Variants in SEL1L2 observed in about 807,000 individuals in gnomAD.
SEL1L2 encodes the protein protein sel-1 homolog 2.
SEL1L2 carries 89 observed loss-of-function variants against 98.8 expected under a neutral mutation model. The observed-to-expected ratio is 0.90, with a 90% CI of 0.76 to 1.07. The LOEUF (loss-of-function observed/expected upper bound fraction) is 1.07, where lower values mean the gene tolerates loss of function less well. Among genes scored for constraint, SEL1L2 ranks in the 50% least tolerant of loss-of-function variants. The pLI is 0.00. For synonymous variants in SEL1L2, 262 were observed against 278.5 expected (o/e 0.94, Z 0.59); for missense variants, 788 against 812.0 (o/e 0.97, Z 0.36).
At chr20:13,930,138 G>C (rs933077416) in intron 3 of SEL1L2, among the ~76,000 whole-genome samples, 2 of 151,780 alleles carry the variant, frequency 1.3e-5, no homozygotes, top group African/African-American at 4.9e-5. Context: ...TGTGCCTTGG[G>C]ACTCTAACTC....
chr20:13,950,997 C>A (rs2050233565), intron 2 of SEL1L2, among the ~76,000 whole-genome samples: 1 of 152,026 alleles, frequency 6.6e-6, no homozygotes, highest in African/African-American at 2.4e-5. Flanking sequence ...TGATTAGAGG[C>A]CGGGCGCGGT....
chr20:13,931,628 A>G lies in SEL1L2; in HGVS notation c.258T>C (p.Asp86=). ...KIRIKGIQNK[D]ILKRNKNHLQ... The stretch of plus-strand genomic sequence containing the variant: ...AATGATTCTTATTTCTCTTCAAGAT[A>G]TCTTTATTTTGAATTCCTTTTATTC... The change falls in exon 3 of 20, where the codon GAT becomes GAC. Residue 86 remains aspartate (D), a synonymous_variant. Coordinates refer to ENST00000284951, the MANE Select transcript of SEL1L2 (RefSeq NM_025229.2). 3 of 1,429,232 alleles carry G rather than the reference A, an allele frequency of 2.1e-6. No homozygotes were observed. The highest frequency in any genetic ancestry group is 2.9e-6 in the Non-Finnish European group (3 of 1,047,544). The allele number at this position is 1,429,232 out of a possible 1,614,324, so 88.5% of individuals were successfully genotyped here.
chr20:13,937,395 G>T (rs926653398), intron 2 of SEL1L2, among the ~76,000 whole-genome samples: 2 of 152,202 alleles, frequency 1.3e-5, no homozygotes, highest in African/African-American at 4.8e-5. Flanking sequence ...GAGCCAGGAG[G>T]AATTCGTGCC....
chr20:13,887,694 T>C, intron 8 of SEL1L2, 75 bp downstream of exon 8: 1 of 921,094 alleles, frequency 1.1e-6, no homozygotes, highest in Admixed American at 1.9e-5. Flanking sequence ...TTTATATCAA[T>C]TGAACTGTTA....
At chr20:13,865,637 C>T in intron 15 of SEL1L2, 123 bp from the exon 16 acceptor site, 6 of 770,184 alleles carry the variant, frequency 7.8e-6, no homozygotes, top group Non-Finnish European at 1.0e-5. Flanking sequence ...AGGTCTAAAA[C>T]ATGGCTTTTG....
intron 9 of SEL1L2, 59 bp from the exon 10 acceptor site, chr20:13,885,462 CATTT>C (rs2147979062): frequency 9.0e-7 from 1 of 1,106,904 alleles, no homozygotes; most frequent in East Asian, 2.4e-5. Flanking sequence ...ATAAAGAAAA[CATTT>C]ATGTGGTGAT....
intron 4 of SEL1L2, among the ~76,000 whole-genome samples, chr20:13,917,066 C>T (rs7262474): frequency 0.012 from 1,765 of 152,148 alleles, 38 homozygotes; most frequent in African/African-American, 0.04. Context: ...TCCAGGGTTT[C>T]CCTGGACTTG....
At chr20:13,967,117 G>A (rs1434905793) in intron 1 of SEL1L2, among the ~76,000 whole-genome samples, 2 of 151,876 alleles carry the variant, frequency 1.3e-5, no homozygotes, top group Admixed American at 1.3e-4. Flanking sequence ...TCCTGACCTC[G>A]TGATCCACCC....
At chr20:13,974,472 TCTC>T (rs1457475448) in intron 1 of SEL1L2, among the ~76,000 whole-genome samples, 7 of 89,490 alleles carry the variant, frequency 7.8e-5, no homozygotes, top group African/African-American at 1.1e-4. Context: ...TCTCTCTCTC[TCTC>T]TTTTTTTTTT....
At chr20:13,918,325 C>CTT (rs1235074867) in intron 4 of SEL1L2, among the ~76,000 whole-genome samples, 1 of 152,160 alleles carries the variant, frequency 6.6e-6, no homozygotes, top group Non-Finnish European at 1.5e-5. Context: ...GATCCCAAGG[C>CTT]TTTAGCTAGA....
At position 13,956,117 on chromosome 20, in the gene SEL1L2, C is replaced by T. The variant is rs745724781; in HGVS notation, c.73G>A (p.Glu25Lys). The T allele has an allele frequency of 1.7e-5, 26 of 1,555,248 alleles. No homozygotes were observed. In the African/African-American group the frequency reaches 3.4e-4, roughly 21 times the overall value. ...CTTTCCTTTTGTCTTTTATTATGTT[C>T]CTCTGCTTTGATAGCTGCAATACAC... ...GVTIKTIKAEEHNKRQKERNV... is the reference protein window; with the variant it reads ...GVTIKTIKAEKHNKRQKERNV... Residue 25 changes from glutamate to lysine, a missense_variant, in exon 2 of 20, where the codon GAA becomes AAA. Glu to Lys is a moderately conservative substitution (Grantham distance 56, BLOSUM62 1). Transcript: ENST00000284951.
At chr20:13,864,626 G>A (rs73612319) in intron 17 of SEL1L2, among the ~76,000 whole-genome samples, 24,691 of 152,122 alleles carry the variant, frequency 0.16, 2,172 homozygotes, top group African/African-American at 0.23. Flanking sequence ...GAGGAAAAGC[G>A]AGAGGATCCT....
intron 2 of SEL1L2, among the ~76,000 whole-genome samples, chr20:13,955,787 AT>A (rs1444169112): frequency 6.6e-6 from 1 of 152,168 alleles, no homozygotes; most frequent in African/African-American, 2.4e-5. Flanking sequence ...TGCAAAAGTA[AT>A]TGCAGTTTTT....
intron 3 of SEL1L2, among the ~76,000 whole-genome samples, chr20:13,922,134 C>G (rs1316874128): frequency 1.3e-5 from 2 of 152,058 alleles, no homozygotes; most frequent in Non-Finnish European, 2.9e-5. Flanking sequence ...AGTCCTTGTA[C>G]CAAATATACA....
At chr20:13,951,801 T>C (rs1199988666) in intron 2 of SEL1L2, among the ~76,000 whole-genome samples, 1 of 151,328 alleles carries the variant, frequency 6.6e-6, no homozygotes, top group Non-Finnish European at 1.5e-5. Context: ...ATTAGTTGTT[T>C]TTTTTGTTTA....
At chr20:13,888,870 T>A (rs1171909999) in intron 5 of SEL1L2, among the ~76,000 whole-genome samples, 1 of 149,892 alleles carries the variant, frequency 6.7e-6, no homozygotes, top group Non-Finnish European at 1.5e-5. Flanking sequence ...ATGGTCTTGA[T>A]CTCCTGACCT....
chr20:13,959,915 T>C (rs939634877), intron 1 of SEL1L2, among the ~76,000 whole-genome samples: 9 of 152,236 alleles, frequency 5.9e-5, no homozygotes, highest in African/African-American at 2.2e-4. Flanking sequence ...CTATGGCAAG[T>C]AAAGCATAAT....
intron 2 of SEL1L2, among the ~76,000 whole-genome samples, chr20:13,937,705 A>G (rs977087579): frequency 2.0e-5 from 3 of 152,170 alleles, no homozygotes; most frequent in Admixed American, 1.3e-4. Context: ...TACATGTTTT[A>G]TCTACTCAAT....
At chr20:13,952,291 GACA>G (rs1311444732) in intron 2 of SEL1L2, among the ~76,000 whole-genome samples, 3 of 152,190 alleles carry the variant, frequency 2.0e-5, no homozygotes, top group Non-Finnish European at 2.9e-5. Context: ...TCCAGAGGCA[GACA>G]ACAACAGAGG....
Sources: gnomAD v4.1 joint callset for allele counts (sites outside exome capture counted in the v4.1 genomes callset) on GRCh38, gnomAD v4.1.1 for gene constraint, MANE v1.5 for transcripts, NCBI Gene and HGNC (gene_info 2026-07-23, HGNC 2026-07-21) for gene names.